Variants in CMTM4 observed in about 807,000 individuals in gnomAD.
CMTM4 encodes the protein CKLF-like MARVEL transmembrane domain-containing protein 4.
A neutral mutation model predicts 19.0 loss-of-function variants in CMTM4; 8 were observed. The ratio of observed to expected loss-of-function variants is 0.42; its 90% CI spans 0.25 to 0.76. The LOEUF (loss-of-function observed/expected upper bound fraction) is 0.76. Among genes scored for constraint, CMTM4 ranks in the 30% least tolerant of loss-of-function variants. The pLI is 0.27. For missense variants in CMTM4, 228 were observed against 290.2 expected (o/e 0.79, Z 1.56); for synonymous variants, 106 against 121.1 (o/e 0.88, Z 0.82).
At chr16:66,681,200 G>A (rs921692912) in intron 1 of CMTM4, among the ~76,000 whole-genome samples, 1 of 151,922 alleles carries the variant, frequency 6.6e-6, no homozygotes, top group Non-Finnish European at 1.5e-5. Flanking sequence ...GACCAGCCTG[G>A]GCAACACAGT....
rs1436276429 is a variant in CMTM4 at position 66,622,732 on chromosome 16, C to T, written c.463-510G>A. ...GGCCAATGTTCCACATCACAGCCCC[C>T]ATCCCACACCTGCCTCTCATGGGGC... On this transcript the variant is annotated intron_variant, in intron 3 of 3. Coordinates refer to ENST00000394106, the MANE Select transcript of CMTM4 (RefSeq NM_181521.3). This position sits in a 1 kb window ranked among gnomAD's most constrained non-coding sequence, Gnocchi z 4.0. 6.6e-6 allele frequency among the ~76,000 whole-genome samples: 1 copy of T among 152,204 alleles called. No homozygotes were observed. The highest frequency in any genetic ancestry group is 1.5e-5 in the Non-Finnish European group (1 of 68,036).
chr16:66,656,884 C>G (rs957624727), intron 1 of CMTM4, among the ~76,000 whole-genome samples: 3 of 152,060 alleles, frequency 2.0e-5, no homozygotes, highest in African/African-American at 7.3e-5. Context: ...CAAAATAACT[C>G]GCCTGTATTC....
intron 2 of CMTM4, among the ~76,000 whole-genome samples, chr16:66,625,129 C>G (rs2144786452): frequency 6.6e-6 from 1 of 152,172 alleles, no homozygotes; most frequent in South Asian, 2.1e-4. Flanking sequence ...AACAGAGATG[C>G]AGCAAAGGGC....
intron 1 of CMTM4, among the ~76,000 whole-genome samples, chr16:66,663,101 T>C (rs2016527262): frequency 6.6e-6 from 1 of 152,204 alleles, no homozygotes; most frequent in South Asian, 2.1e-4. Flanking sequence ...CCAGAACTTC[T>C]CACTTGAACC....
intron 1 of CMTM4, among the ~76,000 whole-genome samples, chr16:66,668,307 C>A (rs1280127205): frequency 6.6e-6 from 1 of 152,094 alleles, no homozygotes; most frequent in Non-Finnish European, 1.5e-5. Flanking sequence ...CCATGCCCAG[C>A]CCCATTTTCT....
the CMTM4 span, among the ~76,000 whole-genome samples, chr16:66,606,928 A>C: frequency 6.6e-6 from 1 of 152,216 alleles, no homozygotes; most frequent in Non-Finnish European, 1.5e-5. Flanking sequence ...CCGGAGGTGG[A>C]GGTTGCAGTG....
At chr16:66,648,417 G>C (rs2016246513) in intron 1 of CMTM4, among the ~76,000 whole-genome samples, 1 of 152,168 alleles carries the variant, frequency 6.6e-6, no homozygotes, top group Non-Finnish European at 1.5e-5. Context: ...TTAGCACTTT[G>C]GGAGGCCGAG....
intron 1 of CMTM4, among the ~76,000 whole-genome samples, chr16:66,665,608 G>T (rs1322673934): frequency 6.6e-6 from 1 of 152,054 alleles, no homozygotes; most frequent in South Asian, 2.1e-4. Context: ...GCTGGGTGTG[G>T]TGGTACATGC....
At chr16:66,672,227 G>A (rs1239861733) in intron 1 of CMTM4, among the ~76,000 whole-genome samples, 1 of 150,670 alleles carries the variant, frequency 6.6e-6, no homozygotes, top group Non-Finnish European at 1.5e-5. Flanking sequence ...GTGAAACACT[G>A]TCTCTACTAA....
At chr16:66,599,345 C>G in the CMTM4 span, among the ~76,000 whole-genome samples, 1 of 151,690 alleles carries the variant, frequency 6.6e-6, no homozygotes. Flanking sequence ...TCCAAAAGTT[C>G]ATGGAAATTG....
intron 2 of CMTM4, among the ~76,000 whole-genome samples, chr16:66,628,842 G>A (rs900588660): frequency 2.6e-5 from 4 of 151,902 alleles, no homozygotes; most frequent in African/African-American, 7.3e-5. Context: ...GATACACCAC[G>A]TTATTTATCC....
intron 1 of CMTM4, among the ~76,000 whole-genome samples, chr16:66,679,823 C>CAAAAA (rs748044272): frequency 1.6e-5 from 1 of 64,054 alleles, no homozygotes. Flanking sequence ...GACTCTATGT[C>CAAAAA]AAAAAAAAAA....
chr16:66,618,397 T>G lies in CMTM4; in HGVS notation c.*3661A>C. The stretch of plus-strand genomic sequence containing the variant: ...AGGAACCCTTAAATCATCACTGCCT[T>G]GCAGAATCACTAAATTGTTCAGGTG... On this transcript the variant is annotated 3_prime_UTR_variant, in exon 4 of 4. Transcript: ENST00000394106. 1.0e-6 allele frequency: 1 copy of G among 985,484 alleles called. No homozygotes were observed. Among genetic ancestry groups the G allele is most frequent in the Non-Finnish European group, 1.2e-6 (1 of 829,954 alleles). The allele number at this position is 985,484 out of a possible 1,614,324, so 61.0% of individuals were successfully genotyped here. A position where few individuals can be genotyped will look rare whatever the true frequency, so the allele number is the denominator to read the frequency against.
Position 66,617,521 on chromosome 16 carries a change from A to G in CMTM4, c.*4537T>C. 1 of 1,380,006 alleles carries G rather than the reference A, an allele frequency of 7.2e-7. No homozygotes were observed. Among genetic ancestry groups the G allele is most frequent in the Non-Finnish European group, 9.4e-7 (1 of 1,068,322 alleles). 85.5% of individuals were successfully genotyped at this position (1,380,006 alleles called of 1,614,324 possible). ...TGCATGAAGAAGAATTAAACAGAAC[A>G]TTCACTTTCGGAAGAAAATTTTTCT... On this transcript the variant is annotated 3_prime_UTR_variant, in exon 4 of 4. Coordinates refer to ENST00000394106, the MANE Select transcript of CMTM4 (RefSeq NM_181521.3).
chr16:66,604,625 C>T, the CMTM4 span: 1 of 302,462 alleles, frequency 3.3e-6, no homozygotes, highest in Admixed American at 1.4e-4. Flanking sequence ...AGCCGGGGTC[C>T]GAGGGGGAGG....
chr16:66,688,527 AACAC>A (rs59727449), intron 1 of CMTM4, among the ~76,000 whole-genome samples: 11,594 of 148,516 alleles, frequency 0.078, 564 homozygotes, highest in South Asian at 0.21. Context: ...CACTCCCCTC[AACAC>A]ACACACACAC....
intron 1 of CMTM4, among the ~76,000 whole-genome samples, chr16:66,683,704 G>A (rs1231319797): frequency 6.6e-6 from 1 of 151,888 alleles, no homozygotes; most frequent in African/African-American, 2.4e-5. Context: ...CTCTCATGGA[G>A]CTGACCTTCC....
intron 1 of CMTM4, among the ~76,000 whole-genome samples, chr16:66,676,740 T>C (rs1052864674): frequency 6.6e-6 from 1 of 152,206 alleles, no homozygotes; most frequent in African/African-American, 2.4e-5. Flanking sequence ...AAACTGAACT[T>C]GGCTGAGCCG....
At chr16:66,610,780 A>AAGG (rs2015347936), downstream of CMTM4, 3 of 398,512 alleles carry the variant, frequency 7.5e-6, no homozygotes, top group Non-Finnish European at 1.3e-5. This position sits in a 1 kb window ranked among gnomAD's most constrained non-coding sequence, Gnocchi z 4.6. Flanking sequence ...TGCAGGCCCC[A>AAGG]CCCTGTGGTT....
Sources: allele counts gnomAD v4.1 joint callset (sites outside exome capture counted in the v4.1 genomes callset), GRCh38; gene constraint gnomAD v4.1.1; non-coding constraint Gnocchi (gnomAD v3.1); transcripts MANE v1.5; gene names NCBI Gene and HGNC (gene_info 2026-07-23, HGNC 2026-07-21).